Variants in ZIC4 observed in about 807,000 individuals in gnomAD.
ZIC4 encodes Zic family zinc finger 4.
In ZIC4, 15 loss-of-function variants were observed where a neutral mutation model predicts 28.8. That is an observed-to-expected ratio of 0.52 (90% CI 0.35 to 0.80). ZIC4 has a LOEUF of 0.80. Ranked by LOEUF, ZIC4 falls within the 30% of genes least tolerant of loss-of-function variation. The probability of loss-of-function intolerance (pLI) is 0.01; values close to 1 mark genes in which losing one functional copy is unlikely to be tolerated. For synonymous variants in ZIC4, 220 were observed against 198.1 expected (o/e 1.11, Z -0.93); for missense variants, 512 against 467.1 (o/e 1.10, Z -0.89).
Position 147,403,769 on chromosome 3 carries a change from C to T in ZIC4, c.-15-957G>A, listed in dbSNP as rs1005356963. The T allele has an allele frequency of 1.2e-4, 61 of 525,860 alleles. No individual in the cohort carries two copies. In the Admixed American group the frequency reaches 1.4e-3, roughly 12 times the overall value. The allele number at this position is 525,860 out of a possible 1,614,324, so 32.6% of individuals were successfully genotyped here. ...GCCCACAGAACAAGCAGTTGTTTAA[C>T]TTGTTGAACCACAGGCCAAATCCAA... On this transcript the variant is annotated intron_variant, in intron 1 of 4. Coordinates refer to ENST00000383075, the MANE Select transcript of ZIC4 (RefSeq NM_032153.6).
At chr3:147,391,274 T>C (rs1054452965) in intron 3 of ZIC4, 28 bp from the exon 4 acceptor site, 4 of 1,547,168 alleles carry the variant, frequency 2.6e-6, no homozygotes, top group Admixed American at 1.8e-5. Flanking sequence ...GAGACATTAG[T>C]GCTTGTGGGT....
In ZIC4 at chr3:147,391,066, C is replaced by A; in HGVS notation, c.869G>T (p.Arg290Leu). ...SLRKHMKVHG[R>L]SPPPSSGYDS... The stretch of plus-strand genomic sequence containing the variant: ...GTAGCCAGAGCTGGGCGGCGGCGAG[C>A]GCCCGTGCACCTTCATGTGCTTACG... Residue 290 changes from arginine to leucine, a missense_variant, in exon 4 of 5, where the codon CGC becomes CTC. Physicochemically the swap from Arg to Leu is moderately radical, Grantham distance 102. This residue lies in a region of ZIC4 where 144 missense variants were observed against 116.8 expected (regional missense o/e 1.23). Transcript: ENST00000383075. 1 of 1,613,894 alleles carries A rather than the reference C, an allele frequency of 6.2e-7. No individual in the cohort carries two copies. Among genetic ancestry groups the A allele is most frequent in the South Asian group, 1.1e-5 (1 of 91,080 alleles).
At chr3:147,403,777 A>G in intron 1 of ZIC4, 1 of 562,694 alleles carries the variant, frequency 1.8e-6, no homozygotes, top group East Asian at 3.2e-5. Flanking sequence ...AACTTGTTGA[A>G]CCACAGGCCA....
At chr3:147,391,906 G>GC (rs1290570893) in intron 3 of ZIC4, 24 of 929,440 alleles carry the variant, frequency 2.6e-5, no homozygotes, top group Non-Finnish European at 3.1e-5. Context: ...CAGGAATGGA[G>GC]CCCCCTCCCT....
Position 147,388,783 on chromosome 3 carries a change from T to G in ZIC4, c.*76A>C. Reference sequence around the variant, plus strand: ...GAAACACTGCTTTGTGCGCGGGCCCTTTGATGTAGCAGGCGCGAGATGCGG... The same window carrying G: ...GAAACACTGCTTTGTGCGCGGGCCCGTTGATGTAGCAGGCGCGAGATGCGG... On this transcript the variant is annotated 3_prime_UTR_variant, in exon 5 of 5. Coordinates refer to ENST00000383075, the MANE Select transcript of ZIC4 (RefSeq NM_032153.6). The G allele has an allele frequency of 2.6e-6, 2 of 760,320 alleles. No homozygotes were observed. The highest frequency in any genetic ancestry group is 4.9e-6 in the Non-Finnish European group (2 of 411,368). 47.1% of individuals were successfully genotyped at this position (760,320 alleles called of 1,614,324 possible). A position where few individuals can be genotyped will look rare whatever the true frequency, so the allele number is the denominator to read the frequency against.
intron 3 of ZIC4, chr3:147,393,958 A>C (rs1394136806): frequency 2.2e-6 from 1 of 456,578 alleles, no homozygotes; most frequent in Non-Finnish European, 4.4e-6. Context: ...GGAGAATCTC[A>C]GCTCCTGAGA....
chr3:147,396,446 G>A lies in ZIC4; in HGVS notation c.94C>T (p.Pro32Ser), dbSNP rs2087046732. ...GGGCTGGAGGCGGCGGTGAGCTGGG[G>A]GCCATGGTGTCCAGAGCTGCTACCT... ...ESSSSSGHHG[P>S]QLTAASSPSV... is the part of the protein sequence containing the mutation. Residue 32 changes from proline (P) to serine (S), a missense_variant, in exon 3 of 5, where the codon CCC becomes TCC. This residue lies in a region of ZIC4 where 310 missense variants were observed against 256.5 expected (regional missense o/e 1.21). Coordinates refer to ENST00000383075, the MANE Select transcript of ZIC4 (RefSeq NM_032153.6). This position sits in a 1 kb window ranked among gnomAD's most constrained non-coding sequence, Gnocchi z 4.2. 1 of 1,519,702 alleles carries A rather than the reference G, an allele frequency of 6.6e-7. No homozygotes were observed. The highest frequency in any genetic ancestry group is 8.8e-7 in the Non-Finnish European group (1 of 1,137,946). 94.1% of individuals were successfully genotyped at this position (1,519,702 alleles called of 1,614,324 possible).
At chr3:147,392,721 T>G (rs892167310) in intron 3 of ZIC4, 1 of 152,502 alleles carries the variant, frequency 6.6e-6, no homozygotes, top group South Asian at 2.1e-4. Flanking sequence ...CCGAGCCCTG[T>G]TGAGGCTCGG....
At chr3:147,389,563 G>T (rs553409319) in intron 4 of ZIC4, among the ~76,000 whole-genome samples, 45 of 152,074 alleles carry the variant, frequency 3.0e-4, no homozygotes, top group African/African-American at 1.1e-3. Context: ...TGGGGCAGCC[G>T]CATTCTCCCT....
rs748577372 is a variant in ZIC4 at position 147,396,255 on chromosome 3, C to T, written c.285G>A (p.Leu95=). The T allele has an allele frequency of 4.3e-6, 7 of 1,612,862 alleles. No homozygotes were observed. The highest frequency in any genetic ancestry group is 5.9e-6 in the Non-Finnish European group (7 of 1,179,412). ...TCAGGTTCATGCCCCCGTAGCCATGCAGGGCTGCGGCAGCTGCCAGGGCGT... is the reference window on the plus strand; with the variant it reads ...TCAGGTTCATGCCCCCGTAGCCATGTAGGGCTGCGGCAGCTGCCAGGGCGT... ...RSDALAAAAA[L]HGYGGMNLTV... The change falls in exon 3 of 5, where the codon CTG becomes CTA. Residue 95 remains leucine, a synonymous_variant. Transcript: ENST00000383075. This position sits in a 1 kb window ranked among gnomAD's most constrained non-coding sequence, Gnocchi z 4.2.
At chr3:147,395,767 C>T (rs1421519224) in intron 3 of ZIC4, 85 bp downstream of exon 3, 2 of 1,525,136 alleles carry the variant, frequency 1.3e-6, no homozygotes, top group Non-Finnish European at 8.8e-7. Flanking sequence ...TTCCCCCTCC[C>T]CTCAGTTGGG....
intron 4 of ZIC4, among the ~76,000 whole-genome samples, chr3:147,390,125 G>A (rs1464884517): frequency 6.6e-6 from 1 of 152,190 alleles, no homozygotes; most frequent in Non-Finnish European, 1.5e-5. Flanking sequence ...ACAGGCAGAT[G>A]TTTATCTGTG....
chr3:147,390,289 G>A (rs992851319), intron 4 of ZIC4, among the ~76,000 whole-genome samples: 1 of 151,770 alleles, frequency 6.6e-6, no homozygotes, highest in Non-Finnish European at 1.5e-5. Context: ...TAGGGAAGGG[G>A]AAACCATAGG....
intron 3 of ZIC4, among the ~76,000 whole-genome samples, chr3:147,393,269 T>C (rs1291453209): frequency 6.6e-6 from 1 of 152,094 alleles, no homozygotes; most frequent in Non-Finnish European, 1.5e-5. Flanking sequence ...CACTGAGTGA[T>C]ACCGGCAGCC....
chr3:147,404,420 G>A (rs1373103090), intron 1 of ZIC4: 7 of 510,956 alleles, frequency 1.4e-5, no homozygotes, highest in Non-Finnish European at 1.9e-5. Flanking sequence ...CCTACACAGG[G>A]AACTAGGGTA....
rs1190867689 is a variant in ZIC4 at position 147,387,702 on chromosome 3, G to C, written c.*1157C>G. ...GCATCTAGGACTAGTCCAGGCCTAA[G>C]GGTACCACACACCCTGCCTTAGAAA... On this transcript the variant is annotated 3_prime_UTR_variant, in exon 5 of 5. Coordinates refer to ENST00000383075, the MANE Select transcript of ZIC4 (RefSeq NM_032153.6). 1 of 152,592 alleles carries C rather than the reference G, an allele frequency of 6.6e-6. No homozygotes were observed. Among genetic ancestry groups the C allele is most frequent in the Non-Finnish European group, 1.5e-5 (1 of 68,040 alleles). 9.5% of individuals were successfully genotyped at this position (152,592 alleles called of 1,614,324 possible).
At chr3:147,395,797 C>T (rs954245540) in intron 3 of ZIC4, 55 bp downstream of exon 3, 15 of 1,563,918 alleles carry the variant, frequency 9.6e-6, no homozygotes, top group Admixed American at 3.6e-5. Context: ...AATCCAGACC[C>T]GAGGGCCTGC....
intron 3 of ZIC4, chr3:147,393,807 C>G (rs2086978556): frequency 2.2e-6 from 1 of 448,360 alleles, no homozygotes. Context: ...AGCTGGGTGG[C>G]GGTGGCCAGG....
chr3:147,404,072 CTT>C (rs2087223515), intron 1 of ZIC4: 2 of 1,537,152 alleles, frequency 1.3e-6, no homozygotes, highest in Non-Finnish European at 1.7e-6. Context: ...GGAGGCCTAA[CTT>C]TGCATTCCTA....
Sources: gnomAD v4.1 joint callset for allele counts (sites outside exome capture counted in the v4.1 genomes callset) on GRCh38, gnomAD v4.1.1 for gene constraint, gnomAD v4.1.1 regional missense constraint, Gnocchi (gnomAD v3.1) non-coding constraint, MANE v1.5 for transcripts, NCBI Gene and HGNC (gene_info 2026-07-23, HGNC 2026-07-21) for gene names.